The following CTNNA3 variants were observed in gnomAD, a reference collection of about 807,000 sequenced individuals.
The protein encoded by CTNNA3 is catenin alpha-3.
In CTNNA3, 76 loss-of-function variants were observed where a neutral mutation model predicts 95.7. The observed-to-expected ratio is 0.79, with a 90% CI of 0.66 to 0.96. The LOEUF (loss-of-function observed/expected upper bound fraction) is 0.96. Among genes scored for constraint, CTNNA3 ranks in the 40% least tolerant of loss-of-function variants. CTNNA3 has a pLI of 0.00. For synonymous variants in CTNNA3, 431 were observed against 374.4 expected, an observed-to-expected ratio of 1.15 and a Z score of -1.74; for missense variants, 1,191 against 1,089.8, an observed-to-expected ratio of 1.09 and a Z score of -1.31.
intron 13 of CTNNA3, among the ~76,000 whole-genome samples, chr10:66,153,783 T>C (rs1266771556): frequency 6.6e-6 from 1 of 151,834 alleles, no homozygotes. Context: ...ACGTATCCTA[T>C]GCTGGTCCTG....
chr10:67,067,391 G>A (rs374076401), intron 7 of CTNNA3, among the ~76,000 whole-genome samples: 9 of 152,174 alleles, frequency 5.9e-5, no homozygotes, highest in East Asian at 1.9e-4. Flanking sequence ...TGATTTGCTC[G>A]TATTCACTTT....
chr10:65,989,600 AT>A (rs928953399), intron 15 of CTNNA3, among the ~76,000 whole-genome samples: 5 of 143,300 alleles, frequency 3.5e-5, no homozygotes, highest in African/African-American at 1.2e-4. Context: ...GGTAAAATTC[AT>A]TTTTTATGGG....
intron 5 of CTNNA3, among the ~76,000 whole-genome samples, chr10:67,470,106 T>C (rs1847761655): frequency 6.6e-6 from 1 of 152,226 alleles, no homozygotes; most frequent in South Asian, 2.1e-4. Flanking sequence ...CCTACTATCC[T>C]TCCCAACCTC....
chr10:66,298,722 A>T (rs996057544), intron 12 of CTNNA3, among the ~76,000 whole-genome samples: 3 of 152,178 alleles, frequency 2.0e-5, no homozygotes, highest in African/African-American at 7.2e-5. Flanking sequence ...CAAGTGATCT[A>T]GTCAGCCAAA....
chr10:67,508,050 A>G (rs1158420537), intron 5 of CTNNA3, among the ~76,000 whole-genome samples: 2 of 152,020 alleles, frequency 1.3e-5, no homozygotes, highest in East Asian at 1.9e-4. Context: ...GTCTTGCTCT[A>G]TCACCCAGGC....
rs75107187 is a variant in CTNNA3 at position 67,680,872 on chromosome 10, A to G, written c.-6+15128T>C. ...ATCTAGATCCCAAAAGCCCATATGA[A>G]TATTAGCTGTGTATCAACCACCGGA... On this transcript the variant is annotated intron_variant, in intron 1 of 17. Transcript: ENST00000433211. 0.033 allele frequency among the ~76,000 whole-genome samples: 5,099 copies of G among 152,284 alleles called. 602 individuals carry two copies. In the East Asian group the frequency reaches 0.43, roughly 13 times the overall value.
intron 11 of CTNNA3, among the ~76,000 whole-genome samples, chr10:66,434,167 C>T (rs1046508408): frequency 1.3e-5 from 2 of 150,696 alleles, no homozygotes; most frequent in Admixed American, 1.3e-4. Context: ...TAGTTTTTTT[C>T]TAATTCTGTG....
intron 7 of CTNNA3, among the ~76,000 whole-genome samples, chr10:66,971,287 A>G (rs901859408): frequency 2.6e-5 from 4 of 152,038 alleles, no homozygotes; most frequent in Non-Finnish European, 4.4e-5. Context: ...TTAGCTGGGC[A>G]TGGTTGTGTG....
At chr10:67,021,670 G>A (rs1216401175) in intron 7 of CTNNA3, among the ~76,000 whole-genome samples, 2 of 151,800 alleles carry the variant, frequency 1.3e-5, no homozygotes, top group East Asian at 3.9e-4. Flanking sequence ...TATATATTCC[G>A]AAAAAAATGG....
At chr10:67,145,133 T>C (rs550895397) in intron 7 of CTNNA3, among the ~76,000 whole-genome samples, 1 of 152,282 alleles carries the variant, frequency 6.6e-6, no homozygotes, top group East Asian at 1.9e-4. Flanking sequence ...CAATTAAGTT[T>C]ACTGTCCCCC....
At position 66,454,922 on chromosome 10, in the gene CTNNA3, T is replaced by C. The variant is rs188378777; in HGVS notation, c.1531+65695A>G. ...ATATTAGCATGTGTGTATGTATGTC[T>C]GTACCACAACCAAATGGGATTTATT... On this transcript the variant is annotated intron_variant, in intron 11 of 17. Transcript: ENST00000433211. Among the ~76,000 whole-genome samples the C allele has an allele frequency of 3.0e-3, 455 of 152,224 alleles. 1 individual carries two copies. The highest frequency in any genetic ancestry group is 0.01 in the African/African-American group (429 of 41,534).
chr10:66,131,229 A>G (rs533880562), intron 13 of CTNNA3, among the ~76,000 whole-genome samples: 3 of 152,156 alleles, frequency 2.0e-5, no homozygotes, highest in Non-Finnish European at 4.4e-5. Flanking sequence ...TGAGGCCAGC[A>G]TCATCCTGAA....
At chr10:66,321,535 C>A (rs1589083080) in intron 12 of CTNNA3, among the ~76,000 whole-genome samples, 1 of 152,238 alleles carries the variant, frequency 6.6e-6, no homozygotes, top group South Asian at 2.1e-4. Context: ...AACAATTCCA[C>A]TTATTATTTC....
intron 17 of CTNNA3, among the ~76,000 whole-genome samples, chr10:65,962,397 T>G (rs2077863360): frequency 6.6e-6 from 1 of 152,142 alleles, no homozygotes; most frequent in South Asian, 2.1e-4. Flanking sequence ...CCTCAAAACC[T>G]TTAGGAAATT....
At chr10:66,102,558 T>C (rs1305588845) in intron 14 of CTNNA3, among the ~76,000 whole-genome samples, 6 of 152,164 alleles carry the variant, frequency 3.9e-5, no homozygotes, top group Admixed American at 2.0e-4. Context: ...TGTTGTCTGG[T>C]CTGTAGTTGC....
At chr10:67,256,705 C>T (rs1866366775) in intron 5 of CTNNA3, among the ~76,000 whole-genome samples, 2 of 151,998 alleles carry the variant, frequency 1.3e-5, no homozygotes, top group African/African-American at 2.4e-5. Context: ...ATTTATTTCC[C>T]ACCAGGAAGG....
chr10:66,282,140 C>G (rs1264828131), intron 12 of CTNNA3, among the ~76,000 whole-genome samples: 1 of 151,768 alleles, frequency 6.6e-6, no homozygotes, highest in African/African-American at 2.4e-5. Context: ...TTGGGTCATA[C>G]CACTTTGCAC....
intron 7 of CTNNA3, among the ~76,000 whole-genome samples, chr10:66,812,214 C>T (rs1248878593): frequency 6.6e-6 from 1 of 151,974 alleles, no homozygotes; most frequent in Admixed American, 6.6e-5. Flanking sequence ...AAAATCCATG[C>T]CAGTACTAAA....
intron 1 of CTNNA3, among the ~76,000 whole-genome samples, chr10:67,701,294 G>A (rs1362155146): frequency 3.3e-5 from 5 of 152,224 alleles, no homozygotes; most frequent in South Asian, 2.1e-4. Flanking sequence ...GATACTCCTC[G>A]AGAAGAGCAA....
Sources: gnomAD v4.1 joint callset for allele counts (sites outside exome capture counted in the v4.1 genomes callset) on GRCh38, gnomAD v4.1.1 for gene constraint, MANE v1.5 for transcripts, NCBI Gene and HGNC (gene_info 2026-07-23, HGNC 2026-07-21) for gene names.